The following FBLN5 variants were observed in gnomAD, a reference collection of about 807,000 sequenced individuals.
The protein encoded by FBLN5 is fibulin 5.
FBLN5 carries 24 observed loss-of-function variants against 61.6 expected under a neutral mutation model. That is an observed-to-expected ratio of 0.39 (90% CI 0.28 to 0.55). The LOEUF (loss-of-function observed/expected upper bound fraction) is 0.55. Ranked by LOEUF, FBLN5 falls within the 20% of genes least tolerant of loss-of-function variation. FBLN5 has a pLI of 0.65. For synonymous variants in FBLN5, 213 were observed against 219.8 expected, an observed-to-expected ratio of 0.97 and a Z score of 0.27; for missense variants, 470 against 594.1, an observed-to-expected ratio of 0.79 and a Z score of 2.17.
chr14:91,937,598 T>C (rs1362544132), intron 3 of FBLN5, among the ~76,000 whole-genome samples: 1 of 152,224 alleles, frequency 6.6e-6, no homozygotes, highest in Non-Finnish European at 1.5e-5. Context: ...TAATGGGTTA[T>C]CTTGGAAATG....
chr14:91,880,029 C>T (rs537591644), intron 9 of FBLN5, among the ~76,000 whole-genome samples: 1 of 152,362 alleles, frequency 6.6e-6, no homozygotes, highest in East Asian at 1.9e-4. Context: ...TGTCCTACTG[C>T]ATTCACCTTT....
intron 4 of FBLN5, among the ~76,000 whole-genome samples, chr14:91,930,390 A>G (rs139706672): frequency 4.3e-4 from 65 of 152,274 alleles, no homozygotes; most frequent in African/African-American, 1.5e-3. Flanking sequence ...ATGCCCATGA[A>G]CAAGCTTGCT....
At chr14:91,935,045 A>C (rs538051779) in intron 4 of FBLN5, among the ~76,000 whole-genome samples, 1 of 152,376 alleles carries the variant, frequency 6.6e-6, no homozygotes, top group East Asian at 1.9e-4. Context: ...TGAATGCATA[A>C]TGCTGAACTT....
chr14:91,874,398 T>C (rs1395321844), intron 10 of FBLN5: 4 of 152,228 alleles, frequency 2.6e-5, no homozygotes, highest in Non-Finnish European at 4.4e-5. Context: ...GTTAGACTTT[T>C]CTTGTGATCT....
chr14:91,935,705 A>G (rs1160318755), intron 4 of FBLN5, among the ~76,000 whole-genome samples: 3 of 151,548 alleles, frequency 2.0e-5, no homozygotes, highest in Admixed American at 6.6e-5. Context: ...AAAGATTGGT[A>G]AAAAAAAGTC....
At chr14:91,919,070 C>T (rs1024620825) in intron 4 of FBLN5, among the ~76,000 whole-genome samples, 2 of 152,046 alleles carry the variant, frequency 1.3e-5, no homozygotes, top group African/African-American at 4.8e-5. Context: ...GTGGCTCATG[C>T]GTGTAATCCC....
intron 4 of FBLN5, among the ~76,000 whole-genome samples, chr14:91,919,066 C>T (rs932742921): frequency 6.6e-6 from 1 of 152,110 alleles, no homozygotes; most frequent in Non-Finnish European, 1.5e-5. Flanking sequence ...CACTGTGGCT[C>T]ATGCGTGTAA....
At chr14:91,875,449 G>A (rs1255149061) in intron 10 of FBLN5, among the ~76,000 whole-genome samples, 2 of 152,188 alleles carry the variant, frequency 1.3e-5, no homozygotes, top group Non-Finnish European at 2.9e-5. Flanking sequence ...ATTAGGGGCT[G>A]AGAGGTTTGG....
chr14:91,916,102 C>A (rs1374790886), intron 4 of FBLN5, among the ~76,000 whole-genome samples: 1 of 152,150 alleles, frequency 6.6e-6, no homozygotes, highest in African/African-American at 2.4e-5. Flanking sequence ...CCATTCTTTG[C>A]CTTTTATTTT....
intron 6 of FBLN5, among the ~76,000 whole-genome samples, chr14:91,888,139 A>G (rs1166875615): frequency 1.3e-5 from 2 of 151,768 alleles, no homozygotes; most frequent in Non-Finnish European, 2.9e-5. Context: ...TCTCTTCAAA[A>G]AATTTAAAAA....
At chr14:91,931,537 T>C (rs988599653) in intron 4 of FBLN5, among the ~76,000 whole-genome samples, 3 of 152,220 alleles carry the variant, frequency 2.0e-5, no homozygotes, top group Admixed American at 6.5e-5. Flanking sequence ...TCAATAACAA[T>C]AACAAAAATC....
intron 9 of FBLN5, among the ~76,000 whole-genome samples, chr14:91,878,480 G>A (rs1889275438): frequency 6.6e-6 from 1 of 152,256 alleles, no homozygotes; most frequent in South Asian, 2.1e-4. Context: ...TAGGGGCCAG[G>A]GTTCACAATA....
chr14:91,937,240 A>G, intron 3 of FBLN5, 39 bp from the exon 4 acceptor site: 2 of 1,613,572 alleles, frequency 1.2e-6, no homozygotes, highest in Non-Finnish European at 1.7e-6. Flanking sequence ...GTGGCACCCC[A>G]ACTGCCTTGT....
At position 91,936,968 on chromosome 14, in the gene FBLN5, C is replaced by A; in HGVS notation, c.358G>T (p.Asp120Tyr). The A allele has an allele frequency of 6.2e-7, 1 of 1,614,174 alleles. No individual in the cohort carries two copies. Among genetic ancestry groups the A allele is most frequent in the Non-Finnish European group, 8.5e-7 (1 of 1,180,036 alleles). The change falls in exon 4 of 11, where the codon GAT becomes TAT. Residue 120 changes from aspartate to tyrosine, a missense_variant. Transcript: ENST00000342058. ...TCACCCACACATTGGTTGCTTTCATCCATCTGGTATCCAAAGCGGCATATA... is the reference window on the plus strand; with the variant it reads ...TCACCCACACATTGGTTGCTTTCATACATCTGGTATCCAAAGCGGCATATA... ...PLICRFGYQMDESNQCVDVDE... is the reference protein window; with the variant it reads ...PLICRFGYQMYESNQCVDVDE...
chr14:91,901,192 C>T (rs970033167), intron 4 of FBLN5, among the ~76,000 whole-genome samples: 3 of 152,352 alleles, frequency 2.0e-5, no homozygotes, highest in Middle Eastern at 6.8e-3. Context: ...ATTCTTGCCT[C>T]TTCCCATGCC....
chr14:91,887,272 G>C lies in FBLN5; in HGVS notation c.660C>G (p.Thr220=). 6.2e-7 allele frequency: 1 copy of C among 1,613,502 alleles called. No individual in the cohort carries two copies. The highest frequency in any genetic ancestry group is 1.1e-5 in the South Asian group (1 of 91,046). ...TGAAAGAGCCGTAGGTGTTGACGCA[G>C]GTTTGCACGCAGGGGTTCTCGGTGG... The part of the protein sequence containing the change: ...ECATENPCVQ[T]CVNTYGSFIC... The change falls in exon 7 of 11, where the codon ACC becomes ACG. Residue 220 remains threonine (T), a synonymous_variant. Transcript: ENST00000342058.
At chr14:91,910,967 C>T (rs1008615796) in intron 4 of FBLN5, among the ~76,000 whole-genome samples, 5 of 148,492 alleles carry the variant, frequency 3.4e-5, no homozygotes, top group Admixed American at 1.4e-4. Context: ...ATTCTGCTGC[C>T]CTCATTTTTT....
intron 3 of FBLN5, 98 bp from the exon 4 acceptor site, chr14:91,937,299 C>T: frequency 6.6e-7 from 1 of 1,514,336 alleles, no homozygotes; most frequent in South Asian, 1.2e-5. Flanking sequence ...GGAGGAAGCA[C>T]TCCCAAACAC....
At position 91,929,104 on chromosome 14, in the gene FBLN5, CACACACACA is replaced by C. The variant is rs773940343; in HGVS notation, c.379+7834_379+7842del. 1.9e-4 allele frequency among the ~76,000 whole-genome samples: 28 copies of C among 149,506 alleles called. 2 individuals are homozygous for C. Among genetic ancestry groups the C allele is most frequent in the African/African-American group, 4.2e-4 (17 of 40,336 alleles). On this transcript the variant is annotated intron_variant, in intron 4 of 10. Coordinates refer to ENST00000342058, the MANE Select transcript of FBLN5 (RefSeq NM_006329.4). ...AAACACACACACACACACACACACA[CACACACACA>C]CCCCACACACACACATGATACAGTG...
Sources: gnomAD v4.1 joint callset for allele counts (sites outside exome capture counted in the v4.1 genomes callset) on GRCh38, gnomAD v4.1.1 for gene constraint, MANE v1.5 for transcripts, NCBI Gene and HGNC (gene_info 2026-07-23, HGNC 2026-07-21) for gene names.